Variants in ME1 observed in about 807,000 individuals in gnomAD.
ME1 encodes the protein NADP-dependent malic enzyme.
Under a neutral mutation model 66.4 loss-of-function variants are expected in ME1, and 74 were observed. That is an observed-to-expected ratio of 1.11 (90% CI 0.92 to 1.35). The LOEUF is 1.35. Ranked by LOEUF, ME1 falls within the 40% of genes most tolerant of loss-of-function variation. The pLI is 0.00. For synonymous variants in ME1, 251 were observed against 235.6 expected (o/e 1.07, Z -0.60); for missense variants, 750 against 694.1 (o/e 1.08, Z -0.90).
At chr6:83,424,053 C>T (rs955016703) in intron 1 of ME1, among the ~76,000 whole-genome samples, 3 of 149,152 alleles carry the variant, frequency 2.0e-5, no homozygotes, top group East Asian at 2.0e-4. Context: ...GCTGTGATCA[C>T]GCCATTGCAC....
chr6:83,275,641 A>G (rs1447492605), intron 6 of ME1, among the ~76,000 whole-genome samples: 1 of 143,740 alleles, frequency 7.0e-6, no homozygotes, highest in African/African-American at 2.6e-5. Context: ...ATTTTTTTGT[A>G]TTTTTAGTAG....
intron 3 of ME1, among the ~76,000 whole-genome samples, chr6:83,380,351 A>T (rs1769373327): frequency 2.0e-5 from 3 of 152,124 alleles, no homozygotes; most frequent in Admixed American, 6.6e-5. Flanking sequence ...GAATTTTATC[A>T]TGGGGGAAAT....
At chr6:83,360,768 A>G (rs570992888) in intron 3 of ME1, among the ~76,000 whole-genome samples, 133 of 152,342 alleles carry the variant, frequency 8.7e-4, no homozygotes, top group African/African-American at 3.1e-3. Flanking sequence ...CAGAAGACAG[A>G]CAGATCATAG....
At chr6:83,387,519 C>G (rs1769533283) in intron 3 of ME1, among the ~76,000 whole-genome samples, 1 of 151,554 alleles carries the variant, frequency 6.6e-6, no homozygotes. Flanking sequence ...TTATTTAGAC[C>G]CTCATGTTTG....
chr6:83,414,223 T>G (rs1408577516), intron 1 of ME1, among the ~76,000 whole-genome samples: 1 of 152,006 alleles, frequency 6.6e-6, no homozygotes, highest in Non-Finnish European at 1.5e-5. Flanking sequence ...CGGTAAAGTT[T>G]ACATCAGAAA....
At position 83,259,091 on chromosome 6, in the gene ME1, C is replaced by G. The variant is rs559999364; in HGVS notation, c.705-5353G>C. On this transcript the variant is annotated intron_variant, in intron 6 of 13. Transcript: ENST00000369705. ...AAGAATTCACTGTAACCAGGTTAACCAAGCATGTTTTAATTTTTCCTGAGA... is the reference window on the plus strand; with the variant it reads ...AAGAATTCACTGTAACCAGGTTAACGAAGCATGTTTTAATTTTTCCTGAGA... 5.9e-5 allele frequency among the ~76,000 whole-genome samples: 9 copies of G among 152,148 alleles called. No homozygotes were observed. The East Asian group carries it at 1.7e-3, about 29-fold the overall frequency.
Position 83,223,913 on chromosome 6 carries a change from A to G in ME1, c.1296T>C (p.Ser432=). The change falls in exon 12 of 14, where the codon AGT becomes AGC. Residue 432 remains serine (S), a synonymous_variant. Transcript: ENST00000369705. ...KITKGRAIFA[S]GSPFDPVTLP... is the part of the protein sequence containing the mutation. The stretch of plus-strand genomic sequence containing the variant: ...GAGTGACTGGATCAAAAGGACTGCC[A>G]CTGGCAAAAATTGCACGTCCCTACA... 6.2e-7 allele frequency: 1 copy of G among 1,613,962 alleles called. No homozygotes were observed. Among genetic ancestry groups the G allele is most frequent in the Non-Finnish European group, 8.5e-7 (1 of 1,179,942 alleles).
At chr6:83,369,653 G>GAGGAAGGAAGGA (rs1340518163) in intron 3 of ME1, among the ~76,000 whole-genome samples, 32 of 141,598 alleles carry the variant, frequency 2.3e-4, no homozygotes, top group African/African-American at 8.4e-4. Flanking sequence ...GAGACAGAGA[G>GAGGAAGGAAGGA]AGGAAGGAAG....
intron 6 of ME1, among the ~76,000 whole-genome samples, chr6:83,313,522 A>G (rs1370815815): frequency 6.6e-6 from 1 of 152,178 alleles, no homozygotes; most frequent in Non-Finnish European, 1.5e-5. Flanking sequence ...TTATTTCATC[A>G]GCGTTTAAGT....
intron 1 of ME1, among the ~76,000 whole-genome samples, chr6:83,423,552 A>G (rs1770311941): frequency 6.6e-6 from 1 of 152,148 alleles, no homozygotes; most frequent in Non-Finnish European, 1.5e-5. Context: ...TAATCCCAGC[A>G]CTTTGGGAGG....
chr6:83,409,017 A>G (rs1165977935), intron 1 of ME1, among the ~76,000 whole-genome samples: 2 of 152,140 alleles, frequency 1.3e-5, no homozygotes, highest in African/African-American at 4.8e-5. Context: ...CCCCTCATGT[A>G]TAGGATTATT....
At chr6:83,298,530 A>C (rs1767646724) in intron 6 of ME1, among the ~76,000 whole-genome samples, 1 of 152,050 alleles carries the variant, frequency 6.6e-6, no homozygotes, top group South Asian at 2.1e-4. Context: ...GTTTACTCTG[A>C]TGATAGTTTC....
At chr6:83,417,976 G>A (rs1331966776) in intron 1 of ME1, among the ~76,000 whole-genome samples, 8 of 152,040 alleles carry the variant, frequency 5.3e-5, no homozygotes, top group Admixed American at 2.6e-4. Flanking sequence ...TCCAACTTTT[G>A]TGCCTTTGGC....
At chr6:83,405,761 G>A (rs1342632167) in intron 2 of ME1, among the ~76,000 whole-genome samples, 4 of 139,678 alleles carry the variant, frequency 2.9e-5, no homozygotes, top group East Asian at 2.1e-4. Context: ...TCGCTCTGTC[G>A]CCCAGGCTGG....
intron 1 of ME1, among the ~76,000 whole-genome samples, chr6:83,410,452 A>G (rs1770028586): frequency 6.6e-6 from 1 of 152,222 alleles, no homozygotes; most frequent in South Asian, 2.1e-4. Flanking sequence ...GACAAACTTC[A>G]CTTGTTGAAG....
At chr6:83,392,043 A>T (rs77781534) in intron 3 of ME1, among the ~76,000 whole-genome samples, 1 of 152,300 alleles carries the variant, frequency 6.6e-6, no homozygotes, top group Admixed American at 6.5e-5. Context: ...ATGCACACCA[A>T]AGTGTCCTAA....
At chr6:83,247,531 A>T (rs902234783) in intron 7 of ME1, among the ~76,000 whole-genome samples, 1 of 145,768 alleles carries the variant, frequency 6.9e-6, no homozygotes, top group African/African-American at 2.5e-5. Flanking sequence ...AAATGTGTTT[A>T]AAAAAAAAAA....
intron 2 of ME1, among the ~76,000 whole-genome samples, chr6:83,399,603 T>C (rs6926600): frequency 0.25 from 38,595 of 152,186 alleles, 5,583 homozygotes; most frequent in Middle Eastern, 0.46. Context: ...TCTTTGTATC[T>C]GTATCTTATG....
chr6:83,242,077 G>A (rs1203165711), intron 7 of ME1, among the ~76,000 whole-genome samples: 1 of 152,130 alleles, frequency 6.6e-6, no homozygotes, highest in African/African-American at 2.4e-5. Flanking sequence ...TGGCCAGACT[G>A]GTCTCACACC....
Sources: gnomAD v4.1 joint callset for allele counts (sites outside exome capture counted in the v4.1 genomes callset) on GRCh38, gnomAD v4.1.1 for gene constraint, MANE v1.5 for transcripts, NCBI Gene and HGNC (gene_info 2026-07-23, HGNC 2026-07-21) for gene names.